RBFOX1: variants seen among roughly 807,000 people sequenced by gnomAD.
The protein encoded by RBFOX1 is RNA binding fox-1 homolog 1.
RBFOX1 carries 8 observed loss-of-function variants against 57.7 expected under a neutral mutation model. The ratio of observed to expected loss-of-function variants is 0.14; its 90% CI spans 0.08 to 0.25. RBFOX1 has a LOEUF of 0.25. Among genes scored for constraint, RBFOX1 ranks in the 10% least tolerant of loss-of-function variants. The pLI, the probability that RBFOX1 is intolerant of heterozygous loss-of-function variation, is 1.00. For synonymous variants in RBFOX1, 326 were observed against 222.4 expected, an observed-to-expected ratio of 1.47 and a Z score of -4.15; for missense variants, 611 against 548.5, an observed-to-expected ratio of 1.11 and a Z score of -1.14.
At chr16:6,158,900 T>C (rs1248474920) in intron 1 of RBFOX1, among the ~76,000 whole-genome samples, 2 of 126,136 alleles carry the variant, frequency 1.6e-5, no homozygotes, top group Non-Finnish European at 3.3e-5. Context: ...AATTTCTCTG[T>C]CATAGGTTTG....
chr16:7,495,767 G>C (rs908984872), intron 4 of RBFOX1, among the ~76,000 whole-genome samples: 1 of 152,108 alleles, frequency 6.6e-6, no homozygotes, highest in African/African-American at 2.4e-5. Context: ...CACTGCTTGG[G>C]TAACGGGTGC....
intron 1 of RBFOX1, among the ~76,000 whole-genome samples, chr16:5,418,589 A>G (rs145910739): frequency 1.3e-3 from 194 of 152,206 alleles, no homozygotes; most frequent in African/African-American, 4.5e-3. Flanking sequence ...AATGTGAACC[A>G]GTTTATGGAT....
intron 4 of RBFOX1, among the ~76,000 whole-genome samples, chr16:6,012,558 CA>C (rs1223250192): frequency 6.6e-6 from 1 of 152,178 alleles, no homozygotes; most frequent in African/African-American, 2.4e-5. Flanking sequence ...TTATTTGGCT[CA>C]AAATGTCAGT....
At chr16:6,098,174 C>A (rs1375849917) in intron 1 of RBFOX1, among the ~76,000 whole-genome samples, 2 of 152,180 alleles carry the variant, frequency 1.3e-5, no homozygotes, top group African/African-American at 4.8e-5. Context: ...CAAACTTTAC[C>A]TCATTAATCT....
intron 4 of RBFOX1, among the ~76,000 whole-genome samples, chr16:7,156,998 C>T (rs186770437): frequency 2.0e-5 from 3 of 152,174 alleles, no homozygotes; most frequent in East Asian, 1.9e-4. Flanking sequence ...AACATACATC[C>T]TCTGCTGTCA....
At chr16:6,920,232 A>G (rs886085446) in intron 3 of RBFOX1, among the ~76,000 whole-genome samples, 1 of 142,260 alleles carries the variant, frequency 7.0e-6, no homozygotes, top group Admixed American at 7.3e-5. Context: ...TTGTGCTGCT[A>G]TAAACATGGG....
chr16:6,715,578 C>G (rs962243842), intron 3 of RBFOX1, among the ~76,000 whole-genome samples: 1 of 152,116 alleles, frequency 6.6e-6, no homozygotes, highest in Non-Finnish European at 1.5e-5. Flanking sequence ...GTCTTAAGAG[C>G]TAAGAATCCA....
At chr16:5,788,787 C>G (rs2054595762) in intron 3 of RBFOX1, among the ~76,000 whole-genome samples, 1 of 152,066 alleles carries the variant, frequency 6.6e-6, no homozygotes, top group Non-Finnish European at 1.5e-5. Context: ...TTGTCAGTGA[C>G]AGGCACATGC....
intron 3 of RBFOX1, among the ~76,000 whole-genome samples, chr16:5,665,088 G>A (rs1396580842): frequency 6.8e-6 from 1 of 147,906 alleles, no homozygotes; most frequent in African/African-American, 2.5e-5. Context: ...TGAGACCACA[G>A]GTGTGCACCA....
chr16:5,336,165 C>A (rs1190581865), intron 1 of RBFOX1, among the ~76,000 whole-genome samples: 1 of 152,124 alleles, frequency 6.6e-6, no homozygotes, highest in African/African-American at 2.4e-5. Flanking sequence ...ATGTTTCCAA[C>A]TTGGGAGCCA....
chr16:7,573,643 G>A (rs1460437343), intron 5 of RBFOX1, among the ~76,000 whole-genome samples: 1 of 151,976 alleles, frequency 6.6e-6, no homozygotes, highest in African/African-American at 2.4e-5. Context: ...AGGCCAGCCT[G>A]GCCAACATTG....
At chr16:6,155,717 G>T (rs189996221) in intron 1 of RBFOX1, among the ~76,000 whole-genome samples, 1 of 152,166 alleles carries the variant, frequency 6.6e-6, no homozygotes, top group Non-Finnish European at 1.5e-5. Context: ...AGTAGTCCCC[G>T]TGGAGCCTGA....
At chr16:5,789,280 G>A (rs545874187) in intron 3 of RBFOX1, among the ~76,000 whole-genome samples, 2 of 152,184 alleles carry the variant, frequency 1.3e-5, no homozygotes, top group East Asian at 3.9e-4. Flanking sequence ...AACCCAGGGA[G>A]CCAGGCGCAT....
chr16:5,966,803 G>C (rs1212413799), intron 4 of RBFOX1, among the ~76,000 whole-genome samples: 1 of 152,004 alleles, frequency 6.6e-6, no homozygotes, highest in African/African-American at 2.4e-5. Context: ...TTTGAGATGA[G>C]ATTTGGGTAG....
chr16:7,617,456 T>G (rs186783674), intron 10 of RBFOX1, among the ~76,000 whole-genome samples: 1 of 152,326 alleles, frequency 6.6e-6, no homozygotes, highest in East Asian at 1.9e-4. Flanking sequence ...TTGCTGAGCT[T>G]GGCTTGAAGA....
intron 2 of RBFOX1, among the ~76,000 whole-genome samples, chr16:5,490,804 G>T (rs2042803427): frequency 6.6e-6 from 1 of 152,146 alleles, no homozygotes; most frequent in African/African-American, 2.4e-5. Flanking sequence ...CCTCTGCACT[G>T]GGAGTTTTTC....
At position 5,674,928 on chromosome 16, in the gene RBFOX1, C is replaced by T. The variant is rs150195031; in HGVS notation, c.318+75967C>T. Among the ~76,000 whole-genome samples, 1,208 of 152,242 alleles carry T rather than the reference C, an allele frequency of 7.9e-3. 11 individuals carry two copies. The highest frequency in any genetic ancestry group is 0.031 in the Middle Eastern group (9 of 294). Reference sequence around the variant, plus strand: ...TTGGAAGGCTGAGGCAGGAGGATTGCTCGATCCCAGGAGTTTGAAACCAGC... The same window carrying T: ...TTGGAAGGCTGAGGCAGGAGGATTGTTCGATCCCAGGAGTTTGAAACCAGC... On this transcript the variant is annotated intron_variant, in intron 3 of 19. Coordinates refer to the RBFOX1 transcript ENST00000641259.
At chr16:5,980,955 G>A (rs2060160043) in intron 4 of RBFOX1, among the ~76,000 whole-genome samples, 1 of 152,140 alleles carries the variant, frequency 6.6e-6, no homozygotes, top group Non-Finnish European at 1.5e-5. Flanking sequence ...TGGAAGTGAT[G>A]TGGAGTTTCA....
chr16:5,760,672 T>C (rs562060852), intron 3 of RBFOX1, among the ~76,000 whole-genome samples: 14 of 152,332 alleles, frequency 9.2e-5, no homozygotes, highest in African/African-American at 3.1e-4. Context: ...TACAATTCAA[T>C]TTATATGAAA....
Sources: gnomAD v4.1 joint callset for allele counts (sites outside exome capture counted in the v4.1 genomes callset) on GRCh38, gnomAD v4.1.1 for gene constraint, MANE v1.5 for transcripts, NCBI Gene and HGNC (gene_info 2026-07-23, HGNC 2026-07-21) for gene names.